The following MFN1 variants were observed in gnomAD, a reference collection of about 807,000 sequenced individuals.
MFN1 encodes the protein mitofusin-1.
In MFN1, 65 loss-of-function variants were observed where a neutral mutation model predicts 92.4. The ratio of observed to expected loss-of-function variants is 0.70; its 90% CI spans 0.58 to 0.86. The LOEUF (loss-of-function observed/expected upper bound fraction) is 0.86. MFN1 is among the 40% of genes least tolerant of loss of function. MFN1 has a pLI of 0.00. For missense variants in MFN1, 781 were observed against 868.0 expected (o/e 0.90, Z 1.26); for synonymous variants, 297 against 300.9 (o/e 0.99, Z 0.13).
At chr3:179,369,145 C>T (rs886780577) in intron 9 of MFN1, among the ~76,000 whole-genome samples, 2 of 152,190 alleles carry the variant, frequency 1.3e-5, no homozygotes, top group Non-Finnish European at 2.9e-5. Context: ...GTCCCCGTTA[C>T]TCAAAGACTA....
intron 15 of MFN1, among the ~76,000 whole-genome samples, chr3:179,386,054 GA>G (rs1248054292): frequency 1.6e-4 from 24 of 152,240 alleles, no homozygotes; most frequent in African/African-American, 5.5e-4. Flanking sequence ...ATATCAAGGG[GA>G]TCTGTCTTAA....
chr3:179,385,621 C>A lies in MFN1; in HGVS notation c.1715C>A (p.Pro572Gln). The change falls in exon 15 of 18, where the codon CCA becomes CAA. Residue 572 changes from proline to glutamine, a missense_variant. Transcript: ENST00000471841. ...TPTAPTTPAT[P>Q]DNASQEELMI... ...ACTGCTCCTACCACTCCAGCAACGCCAGATAATGCATCACAGGAAGAACTC... is the reference window on the plus strand; with the variant it reads ...ACTGCTCCTACCACTCCAGCAACGCAAGATAATGCATCACAGGAAGAACTC... 6.2e-7 allele frequency: 1 copy of A among 1,613,756 alleles called. No individual in the cohort carries two copies. The highest frequency in any genetic ancestry group is 1.7e-5 in the Admixed American group (1 of 59,986).
intron 2 of MFN1, among the ~76,000 whole-genome samples, chr3:179,350,177 C>T (rs1049109641): frequency 6.6e-6 from 1 of 151,930 alleles, no homozygotes; most frequent in Non-Finnish European, 1.5e-5. Flanking sequence ...TTATGCACCT[C>T]TCAACTATAC....
At chr3:179,354,570 C>T (rs967801836) in intron 3 of MFN1, among the ~76,000 whole-genome samples, 1 of 151,990 alleles carries the variant, frequency 6.6e-6, no homozygotes, top group African/African-American at 2.4e-5. Context: ...TTGGACCTTG[C>T]GCAAGAAGGA....
chr3:179,353,437 A>T (rs1185561788), intron 3 of MFN1, among the ~76,000 whole-genome samples: 1 of 151,788 alleles, frequency 6.6e-6, no homozygotes, highest in Non-Finnish European at 1.5e-5. Flanking sequence ...CAAACTCCTG[A>T]CCTCAAGTGA....
At chr3:179,355,779 C>G (rs1373514026) in intron 3 of MFN1, among the ~76,000 whole-genome samples, 2 of 152,062 alleles carry the variant, frequency 1.3e-5, no homozygotes, top group Non-Finnish European at 2.9e-5. Context: ...TGGTGAATCC[C>G]TGTCTCTACC....
chr3:179,380,291 A>G lies in MFN1; in HGVS notation c.1662+1477A>G, dbSNP rs80135309. ...TTATTGACCCAGAAAGACACTGACTACAGCTGAGGAGACAGCCCCTACAAG... is the reference window on the plus strand; with the variant it reads ...TTATTGACCCAGAAAGACACTGACTGCAGCTGAGGAGACAGCCCCTACAAG... On this transcript the variant is annotated intron_variant, in intron 14 of 17. Coordinates refer to ENST00000471841, the MANE Select transcript of MFN1 (RefSeq NM_033540.3). Among the ~76,000 whole-genome samples, 98 of 152,362 alleles carry G rather than the reference A, an allele frequency of 6.4e-4. 1 individual carries two copies. In the East Asian group the frequency reaches 0.013, roughly 20 times the overall value.
At chr3:179,359,286 A>C (rs1381275649) in intron 4 of MFN1, among the ~76,000 whole-genome samples, 1 of 151,258 alleles carries the variant, frequency 6.6e-6, no homozygotes, top group African/African-American at 2.4e-5. Flanking sequence ...ACACCCGGCT[A>C]ATTTTTGTAT....
intron 9 of MFN1, among the ~76,000 whole-genome samples, chr3:179,369,498 T>G (rs1246781569): frequency 6.6e-6 from 1 of 152,244 alleles, no homozygotes; most frequent in African/African-American, 2.4e-5. Context: ...TATAATTGTG[T>G]AATGTTCTGT....
chr3:179,364,619 T>C (rs1712713461), intron 6 of MFN1, among the ~76,000 whole-genome samples: 1 of 152,190 alleles, frequency 6.6e-6, no homozygotes, highest in South Asian at 2.1e-4. Flanking sequence ...AGTATAGGGC[T>C]TGATGGTTCT....
At chr3:179,368,169 T>C in intron 9 of MFN1, 66 bp downstream of exon 9, 1 of 1,214,672 alleles carries the variant, frequency 8.2e-7, no homozygotes. Context: ...AGCATAATCT[T>C]CTATTTTTAT....
intron 14 of MFN1, 21 bp downstream of exon 14, chr3:179,378,835 C>A: frequency 6.6e-7 from 1 of 1,504,062 alleles, no homozygotes; most frequent in Non-Finnish European, 9.2e-7. Context: ...TTGAATCTAC[C>A]AATTAAGACT....
At chr3:179,350,903 T>G (rs1309597803) in intron 2 of MFN1, among the ~76,000 whole-genome samples, 1 of 152,142 alleles carries the variant, frequency 6.6e-6, no homozygotes, top group Non-Finnish European at 1.5e-5. Flanking sequence ...GTCACCCAGG[T>G]TGGAGTGCAG....
chr3:179,378,446 A>G lies in MFN1; in HGVS notation c.1432+3A>G, dbSNP rs762727794. ...TCAGACCCAGCAAGAAATTATTGGT[A>G]ATATTTATGTCTACAAGGTCATGTC... is the stretch of plus-strand genomic sequence containing the variant. On this transcript the variant is annotated splice_donor_region_variant and intron_variant, in intron 13 of 17. Transcript: ENST00000471841. The G allele has an allele frequency of 6.3e-7, 1 of 1,587,318 alleles. No homozygotes were observed. Among genetic ancestry groups the G allele is most frequent in the Non-Finnish European group, 8.5e-7 (1 of 1,170,918 alleles).
chr3:179,390,171 AT>A (rs771717259), intron 17 of MFN1, 33 bp downstream of exon 17: 8 of 1,478,952 alleles, frequency 5.4e-6, no homozygotes, highest in Non-Finnish European at 7.2e-6. Context: ...TAATTTGAAC[AT>A]TTACTGGTCT....
At position 179,390,053 on chromosome 3, in the gene MFN1, CAAA is replaced by C. The variant is rs755120394; in HGVS notation, c.2065_2067del (p.Lys689del). On this transcript the variant is annotated inframe_deletion, in exon 17 of 18. Coordinates refer to ENST00000471841, the MANE Select transcript of MFN1 (RefSeq NM_033540.3). ...CCTGTGCCAACAAGTTGATATTACT[CAAA>C]AACAGCTGGAAGAAGAAATTGCTAG... 6 of 1,604,782 alleles carry C rather than the reference CAAA, an allele frequency of 3.7e-6. No homozygotes were observed. Among genetic ancestry groups the C allele is most frequent in the Non-Finnish European group, 5.1e-6 (6 of 1,177,500 alleles).
In MFN1 at chr3:179,393,153, T is replaced by G. The variant is rs546270229; in HGVS notation, c.*1094T>G. 96 of 152,328 alleles carry G rather than the reference T, an allele frequency of 6.3e-4. No individual in the cohort carries two copies. The highest frequency in any genetic ancestry group is 2.1e-3 in the African/African-American group (89 of 41,578). The allele number at this position is 152,328 out of a possible 1,614,324, so 9.4% of individuals were successfully genotyped here. On this transcript the variant is annotated 3_prime_UTR_variant, in exon 18 of 18. Coordinates refer to ENST00000471841, the MANE Select transcript of MFN1 (RefSeq NM_033540.3). ...ATATAACATTTACAAAATTCTTCCT[T>G]GAGCTGGTGGAAATGCCTCACCAGT...
intron 16 of MFN1, 47 bp from the exon 17 acceptor site, chr3:179,389,957 T>C (rs374675355): frequency 6.6e-7 from 1 of 1,523,442 alleles, no homozygotes; most frequent in Non-Finnish European, 8.8e-7. Context: ...TTAAAGCTTA[T>C]TCATTTTTGA....
In MFN1 at chr3:179,386,579, G is replaced by A. The variant is rs769772475; in HGVS notation, c.1962G>A (p.Leu654=). ...TTGTAAACTATGCAACTGAAAAACT[G>A]AGGATGATTGTTAGCTCCACGAGTG... ...QQFVNYATEK[L]RMIVSSTSAN... Residue 654 remains leucine (L), a synonymous_variant, in exon 16 of 18, where the codon CTG becomes CTA. Transcript: ENST00000471841. 73 of 1,613,948 alleles carry A rather than the reference G, an allele frequency of 4.5e-5. 1 individual carries two copies. The highest frequency in any genetic ancestry group is 6.1e-5 in the Non-Finnish European group (72 of 1,180,002).
Sources: gnomAD v4.1 joint callset for allele counts (sites outside exome capture counted in the v4.1 genomes callset) on GRCh38, gnomAD v4.1.1 for gene constraint, MANE v1.5 for transcripts, NCBI Gene and HGNC (gene_info 2026-07-23, HGNC 2026-07-21) for gene names.